IGSF21: variants seen among roughly 807,000 people sequenced by gnomAD.
IGSF21 encodes immunoglobulin superfamily member 21.
IGSF21 carries 28 observed loss-of-function variants against 46.8 expected under a neutral mutation model. The observed-to-expected ratio is 0.60, with a 90% CI of 0.44 to 0.82. The LOEUF (loss-of-function observed/expected upper bound fraction) is 0.82, where lower values mean the gene tolerates loss of function less well. IGSF21 is among the 40% of genes least tolerant of loss of function. The pLI is 0.00. For synonymous variants in IGSF21, 284 were observed against 273.6 expected, an observed-to-expected ratio of 1.04 and a Z score of -0.38; for missense variants, 624 against 665.5, an observed-to-expected ratio of 0.94 and a Z score of 0.69.
intron 1 of IGSF21, among the ~76,000 whole-genome samples, chr1:18,195,756 C>A (rs1206044758): frequency 2.0e-5 from 3 of 152,146 alleles, no homozygotes; most frequent in East Asian, 1.9e-4. Flanking sequence ...TTTTTAAACA[C>A]AATTATGTGT....
chr1:18,115,851 AAG>A (rs2086183893), intron 1 of IGSF21: 1 of 87,664 alleles, frequency 1.1e-5, no homozygotes, highest in African/African-American at 4.2e-5. Context: ...GGAAGAAAGA[AAG>A]AAAGAAAGAA....
intron 1 of IGSF21, among the ~76,000 whole-genome samples, chr1:18,136,016 T>C (rs2086365313): frequency 6.6e-6 from 1 of 152,276 alleles, no homozygotes; most frequent in South Asian, 2.1e-4. Context: ...TGGCCAGTGA[T>C]GATGAGCATT....
chr1:18,170,075 A>G (rs2086721573), intron 1 of IGSF21, among the ~76,000 whole-genome samples: 1 of 152,198 alleles, frequency 6.6e-6, no homozygotes, highest in Admixed American at 6.5e-5. Context: ...GCAGGCGCCC[A>G]GGAAGTGGTA....
intron 1 of IGSF21, among the ~76,000 whole-genome samples, chr1:18,161,081 T>C (rs1056235458): frequency 6.6e-6 from 1 of 152,088 alleles, no homozygotes; most frequent in East Asian, 1.9e-4. Context: ...TTGGCCTCCT[T>C]GGCCTGCACT....
At chr1:18,340,078 C>T (rs191669812) in intron 4 of IGSF21, among the ~76,000 whole-genome samples, 37 of 152,302 alleles carry the variant, frequency 2.4e-4, no homozygotes, top group South Asian at 4.2e-4. Context: ...TATAAGGTGA[C>T]TTGGATGCCC....
At chr1:18,377,484 G>C in intron 9 of IGSF21, 53 bp downstream of exon 9, 1 of 1,450,392 alleles carries the variant, frequency 6.9e-7, no homozygotes, top group South Asian at 1.1e-5. Flanking sequence ...CTTTTGAGGC[G>C]CCAGAAAGCT....
At chr1:18,155,274 G>T (rs1305459811) in intron 1 of IGSF21, among the ~76,000 whole-genome samples, 2 of 152,150 alleles carry the variant, frequency 1.3e-5, no homozygotes, top group Non-Finnish European at 2.9e-5. Flanking sequence ...CATAGAGAGA[G>T]CCTCGCCCCT....
chr1:18,215,712 T>A (rs1380915800), intron 1 of IGSF21, among the ~76,000 whole-genome samples: 2 of 151,958 alleles, frequency 1.3e-5, no homozygotes, highest in Non-Finnish European at 1.5e-5. Flanking sequence ...GGGCAAGAGA[T>A]GAGCAGAGCA....
intron 1 of IGSF21, among the ~76,000 whole-genome samples, chr1:18,176,535 G>A (rs112888714): frequency 1.3e-5 from 2 of 152,256 alleles, no homozygotes; most frequent in African/African-American, 4.8e-5. Context: ...TAATAAGTAG[G>A]GCATCTCTTG....
chr1:18,198,483 A>C (rs2087032162), intron 1 of IGSF21, among the ~76,000 whole-genome samples: 1 of 152,174 alleles, frequency 6.6e-6, no homozygotes, highest in Admixed American at 6.5e-5. Context: ...GTCGTCATTC[A>C]TCTCCCCCGT....
intron 2 of IGSF21, among the ~76,000 whole-genome samples, chr1:18,245,636 T>C (rs2084776882): frequency 6.6e-6 from 1 of 152,248 alleles, no homozygotes; most frequent in South Asian, 2.1e-4. Flanking sequence ...TATTTTTGTT[T>C]CCTTCTTTCC....
At chr1:18,250,098 GCTCCCTCCCTCCCTCCCTCCCTCC>G (rs781326742) in intron 2 of IGSF21, among the ~76,000 whole-genome samples, 2 of 59,842 alleles carry the variant, frequency 3.3e-5, no homozygotes, top group Non-Finnish European at 6.3e-5. Flanking sequence ...TCCCTCCCTC[GCTCCCTCCCTCCCTCCCTCCCTCC>G]CTCCCTCCCT....
In IGSF21 at chr1:18,335,067, G is replaced by A; in HGVS notation, c.424+57G>A. ...CAGTGAGGAGGACGAGTATGCTTGA[G>A]TGTGTGAATGTGCGCACAGAGTGGC... On this transcript the variant is annotated intron_variant, in intron 4 of 9. Transcript: ENST00000251296. This position sits in a 1 kb window ranked among gnomAD's most constrained non-coding sequence, Gnocchi z 4.8. 1.5e-6 allele frequency: 2 copies of A among 1,333,008 alleles called. No homozygotes were observed. The highest frequency in any genetic ancestry group is 1.1e-6 in the Non-Finnish European group (1 of 925,118). The allele number at this position is 1,333,008 out of a possible 1,614,324, so 82.6% of individuals were successfully genotyped here.
intron 1 of IGSF21, among the ~76,000 whole-genome samples, chr1:18,183,254 G>C (rs9726367): frequency 6.6e-6 from 1 of 152,326 alleles, no homozygotes; most frequent in African/African-American, 2.4e-5. Context: ...AAATAAAACA[G>C]GTTCATTCCA....
intron 1 of IGSF21, among the ~76,000 whole-genome samples, chr1:18,188,743 T>C (rs1174037700): frequency 6.6e-6 from 1 of 152,216 alleles, no homozygotes; most frequent in African/African-American, 2.4e-5. Flanking sequence ...GACATTATTA[T>C]GGTCCCCATA....
At chr1:18,317,866 A>T (rs745746535) in intron 3 of IGSF21, among the ~76,000 whole-genome samples, 1 of 152,124 alleles carries the variant, frequency 6.6e-6, no homozygotes, top group Non-Finnish European at 1.5e-5. Flanking sequence ...TGAGAAAAGT[A>T]CTCTCATTAC....
intron 1 of IGSF21, among the ~76,000 whole-genome samples, chr1:18,198,060 C>A (rs564474944): frequency 6.6e-6 from 1 of 152,350 alleles, no homozygotes; most frequent in African/African-American, 2.4e-5. Context: ...GTAGACATTT[C>A]TCTGGCTCTT....
At chr1:18,286,176 A>G (rs2085210593) in intron 2 of IGSF21, among the ~76,000 whole-genome samples, 1 of 152,172 alleles carries the variant, frequency 6.6e-6, no homozygotes, top group South Asian at 2.1e-4. Context: ...TTTTGGACTC[A>G]TCCATGCTGA....
rs1014118229 is a variant in IGSF21 at position 18,322,947 on chromosome 1, G to A, written c.306-11945G>A. On this transcript the variant is annotated intron_variant, in intron 3 of 9. Transcript: ENST00000251296. The surrounding 1 kb of genome is among the most constrained non-coding windows in gnomAD (Gnocchi z 4.3). ...GGGGTCAGCCAGTGAAAGATGGAGG[G>A]TGGGAATGGGGAAGCGGGTTCAGGG... Among the ~76,000 whole-genome samples, 2 of 152,180 alleles carry A rather than the reference G, an allele frequency of 1.3e-5. No individual in the cohort carries two copies. The highest frequency in any genetic ancestry group is 4.8e-5 in the African/African-American group (2 of 41,444).
Sources: allele counts gnomAD v4.1 joint callset (sites outside exome capture counted in the v4.1 genomes callset), GRCh38; gene constraint gnomAD v4.1.1; non-coding constraint Gnocchi (gnomAD v3.1); transcripts MANE v1.5; gene names NCBI Gene and HGNC (gene_info 2026-07-23, HGNC 2026-07-21).